Variants in UBE2L3 observed in about 807,000 individuals in gnomAD.
UBE2L3 encodes the protein ubiquitin conjugating enzyme E2 L3.
In UBE2L3, 1 loss-of-function variant was observed where a neutral mutation model predicts 17.8. The observed-to-expected ratio is 0.06, with a 90% confidence interval of 0.02 to 0.27. The LOEUF is 0.27. Ranked by LOEUF, UBE2L3 falls within the 10% of genes least tolerant of loss-of-function variation. The pLI, the probability that UBE2L3 is intolerant of heterozygous loss-of-function variation, is 1.00. For synonymous variants in UBE2L3, 44 were observed against 68.5 expected, an observed-to-expected ratio of 0.64 and a Z score of 1.76; for missense variants, 40 against 192.6, an observed-to-expected ratio of 0.21 and a Z score of 4.69.
intron 2 of UBE2L3, among the ~76,000 whole-genome samples, chr22:21,603,325 C>T (rs554667422): frequency 8.1e-4 from 123 of 151,346 alleles, no homozygotes; most frequent in Non-Finnish European, 1.4e-3. Context: ...GTCAGGAGTT[C>T]GAGACCAGCC....
intron 3 of UBE2L3, among the ~76,000 whole-genome samples, chr22:21,618,424 G>A (rs923988754): frequency 1.3e-5 from 2 of 151,886 alleles, no homozygotes; most frequent in Admixed American, 6.6e-5. Context: ...AAATTAGCCG[G>A]GCATGGTGGC....
chr22:21,612,898 A>G (rs1293876751), intron 3 of UBE2L3, among the ~76,000 whole-genome samples: 1 of 151,896 alleles, frequency 6.6e-6, no homozygotes, highest in African/African-American at 2.4e-5. Flanking sequence ...CAGCCTCCCA[A>G]AGTGCTGGGA....
chr22:21,562,669 G>C (rs1037695340), intron 1 of UBE2L3, among the ~76,000 whole-genome samples: 2 of 130,896 alleles, frequency 1.5e-5, no homozygotes, highest in African/African-American at 3.0e-5. Flanking sequence ...CCACGCCTGG[G>C]CTTTTTTTTT....
chr22:21,576,047 G>A (rs371086237), intron 1 of UBE2L3, among the ~76,000 whole-genome samples: 2 of 152,026 alleles, frequency 1.3e-5, no homozygotes, highest in South Asian at 4.2e-4. Flanking sequence ...CCAAAGATGA[G>A]CATAGGTGCT....
intron 2 of UBE2L3, among the ~76,000 whole-genome samples, chr22:21,610,644 G>A (rs1929428362): frequency 6.6e-6 from 1 of 152,136 alleles, no homozygotes; most frequent in South Asian, 2.1e-4. Context: ...AAGAGACCAG[G>A]ACATCAATCT....
intron 3 of UBE2L3, 129 bp downstream of exon 3, chr22:21,611,172 C>A: frequency 9.2e-7 from 1 of 1,089,714 alleles, no homozygotes; most frequent in Non-Finnish European, 1.3e-6. Context: ...TAGCTGAGGT[C>A]CTGTCAGACC....
chr22:21,566,055 C>T (rs1926620156), upstream of UBE2L3, among the ~76,000 whole-genome samples: 1 of 150,628 alleles, frequency 6.6e-6, no homozygotes. Context: ...TCACTGCAAC[C>T]TCTGCCTCCC....
At chr22:21,572,474 G>A (rs1391380978) in intron 1 of UBE2L3, among the ~76,000 whole-genome samples, 3 of 151,776 alleles carry the variant, frequency 2.0e-5, no homozygotes, top group Non-Finnish European at 4.4e-5. Flanking sequence ...TTGTCTCAGG[G>A]TACTGGGGCC....
intron 1 of UBE2L3, among the ~76,000 whole-genome samples, chr22:21,584,513 T>G (rs1927827272): frequency 6.6e-6 from 1 of 151,768 alleles, no homozygotes; most frequent in Non-Finnish European, 1.5e-5. Context: ...ATTTTATTTT[T>G]ATTTTTTTGA....
At chr22:21,568,459 C>G in intron 1 of UBE2L3, 1 of 983,118 alleles carries the variant, frequency 1.0e-6, no homozygotes. Flanking sequence ...TCAGTCATCC[C>G]GATCTCCCCT....
chr22:21,618,749 G>T (rs116443510), intron 3 of UBE2L3, among the ~76,000 whole-genome samples: 2 of 151,966 alleles, frequency 1.3e-5, no homozygotes, highest in Non-Finnish European at 2.9e-5. Context: ...CACCACAACC[G>T]GCTAATTTTA....
chr22:21,588,669 TTTA>T (rs541667501), intron 1 of UBE2L3, among the ~76,000 whole-genome samples: 27 of 151,602 alleles, frequency 1.8e-4, no homozygotes, highest in African/African-American at 6.3e-4. Context: ...TTTATTTTTA[TTTA>T]TTTATTTTTG....
chr22:21,573,345 T>A (rs1049859652), intron 1 of UBE2L3, among the ~76,000 whole-genome samples: 1 of 152,114 alleles, frequency 6.6e-6, no homozygotes, highest in Non-Finnish European at 1.5e-5. Context: ...AAAAACAGCA[T>A]GCTTTGCACA....
chr22:21,619,984 CA>C (rs1929969884), intron 3 of UBE2L3, among the ~76,000 whole-genome samples: 1 of 152,158 alleles, frequency 6.6e-6, no homozygotes, highest in Admixed American at 6.5e-5. Flanking sequence ...GCTGAATGAA[CA>C]ATATGAGCCC....
intron 3 of UBE2L3, among the ~76,000 whole-genome samples, chr22:21,613,282 G>A (rs1929600795): frequency 6.6e-6 from 1 of 152,198 alleles, no homozygotes; most frequent in South Asian, 2.1e-4. Context: ...CTATCCAGGT[G>A]CACTGCCAAA....
chr22:21,557,868 T>G (rs1182310696), intron 1 of UBE2L3, among the ~76,000 whole-genome samples: 2 of 152,312 alleles, frequency 1.3e-5, no homozygotes, highest in Non-Finnish European at 2.9e-5. Flanking sequence ...AGAAGTGTTT[T>G]GGTTTAATAA....
intron 2 of UBE2L3, among the ~76,000 whole-genome samples, chr22:21,607,724 C>G (rs963769855): frequency 6.6e-6 from 1 of 152,080 alleles, no homozygotes; most frequent in Admixed American, 6.6e-5. Flanking sequence ...GCTCCTGGGG[C>G]CATCAGAGTG....
chr22:21,558,993 G>A (rs1320944775), intron 1 of UBE2L3, among the ~76,000 whole-genome samples: 7 of 151,726 alleles, frequency 4.6e-5, no homozygotes, highest in Non-Finnish European at 8.8e-5. Context: ...TGGGAGGCAG[G>A]TGTCCCAGCA....
intron 2 of UBE2L3, among the ~76,000 whole-genome samples, chr22:21,609,193 G>A (rs777911948): frequency 2.0e-5 from 3 of 151,544 alleles, no homozygotes; most frequent in African/African-American, 7.3e-5. Context: ...CACCGCGCCC[G>A]GCCGGCAGTT....
Sources: allele counts gnomAD v4.1 joint callset (sites outside exome capture counted in the v4.1 genomes callset), GRCh38; gene constraint gnomAD v4.1.1; transcripts MANE v1.5; gene names NCBI Gene and HGNC (gene_info 2026-07-23, HGNC 2026-07-21).